The following TMEM258 variants were observed in gnomAD, a reference collection of about 807,000 sequenced individuals.
The protein encoded by TMEM258 is transmembrane protein 258.
TMEM258 carries 11 observed loss-of-function variants against 9.9 expected under a neutral mutation model. The observed-to-expected ratio is 1.11, with a 90% CI of 0.70 to 1.85. The LOEUF (loss-of-function observed/expected upper bound fraction) is 1.85, where lower values mean the gene tolerates loss of function less well. Among genes scored for constraint, TMEM258 ranks in the 40% most tolerant of loss-of-function variants. The pLI is 0.00. For synonymous variants in TMEM258, 40 were observed against 39.1 expected, an observed-to-expected ratio of 1.02 and a Z score of -0.09; for missense variants, 81 against 99.7, an observed-to-expected ratio of 0.81 and a Z score of 0.80.
Position 61,789,898 on chromosome 11 carries a change from T to A in TMEM258, c.137A>T (p.Tyr46Phe). Reference protein sequence around the residue: ...FFVYEVTSTKYTRDIYKELLI... With the variant: ...FFVYEVTSTKFTRDIYKELLI... ...GAGCTCTTTATAGATATCACGAGTG[T>A]ACTTGGTAGAGGTGACCTCGTAACT... is the stretch of plus-strand genomic sequence containing the variant. Residue 46 changes from tyrosine to phenylalanine, a missense_variant, in exon 3 of 4, where the codon TAC becomes TTC. By Grantham distance (22) the Tyr-to-Phe change is conservative. Coordinates refer to ENST00000537328, the MANE Select transcript of TMEM258 (RefSeq NM_014206.4). The A allele has an allele frequency of 1.2e-6, 2 of 1,613,334 alleles. No individual in the cohort carries two copies. The highest frequency in any genetic ancestry group is 1.7e-6 in the Non-Finnish European group (2 of 1,179,652).
rs1411093194 is a variant in TMEM258, at chr11:61,792,538, TCC to T, written c.3+16_3+17del. ...GGGTCCTCGCATCTCCGTCTGGAAC[TCC>T]CCTCAACGCTCTCACCATTTTGCCC... is the stretch of plus-strand genomic sequence containing the variant. On this transcript the variant is annotated intron_variant, in intron 1 of 3. Transcript: ENST00000537328. The T allele has an allele frequency of 6.2e-7, 1 of 1,613,714 alleles. No homozygotes were observed. Among genetic ancestry groups the T allele is most frequent in the Non-Finnish European group, 8.5e-7 (1 of 1,179,986 alleles).
rs980896327 is a variant in TMEM258 at position 61,789,192 on chromosome 11, G to A, written c.*54C>T. On this transcript the variant is annotated 3_prime_UTR_variant, in exon 4 of 4. Coordinates refer to ENST00000537328, the MANE Select transcript of TMEM258 (RefSeq NM_014206.4). ...ACACTTCCAGCAACAGTAAAAAAAA[G>A]TAATTTACAAAAGCAGGTTTCAGTG... The A allele has an allele frequency of 6.5e-6, 1 of 152,718 alleles. No individual in the cohort carries two copies. Among genetic ancestry groups the A allele is most frequent in the Admixed American group, 6.5e-5 (1 of 15,300 alleles). The allele number at this position is 152,718 out of a possible 1,614,324, so 9.5% of individuals were successfully genotyped here.
intron 1 of TMEM258, among the ~76,000 whole-genome samples, chr11:61,790,950 T>C (rs1432443870): frequency 1.3e-5 from 2 of 152,132 alleles, no homozygotes; most frequent in Non-Finnish European, 2.9e-5. Flanking sequence ...ATCTTTTTTT[T>C]TTGACGGAGT....
chr11:61,791,293 G>A (rs191475804), intron 1 of TMEM258, among the ~76,000 whole-genome samples: 207 of 149,950 alleles, frequency 1.4e-3, no homozygotes, highest in African/African-American at 4.6e-3. Flanking sequence ...TTGCTCTATC[G>A]CCCAGGCTGG....
chr11:61,790,692 C>T (rs2066777827), intron 1 of TMEM258, 90 bp from the exon 2 acceptor site: 10 of 1,139,748 alleles, frequency 8.8e-6, no homozygotes, highest in East Asian at 2.6e-5. Flanking sequence ...CTGGTGCTGC[C>T]GTGAAACAGA....
intron 1 of TMEM258, chr11:61,792,175 C>A (rs190567200): frequency 3.3e-6 from 1 of 306,752 alleles, no homozygotes; most frequent in Non-Finnish European, 6.4e-6. Context: ...AGGCTGTGGG[C>A]GCTCCTAGGA....
chr11:61,790,348 C>A (rs2066774444), intron 2 of TMEM258, 145 bp downstream of exon 2: 6 of 731,076 alleles, frequency 8.2e-6, no homozygotes, highest in East Asian at 2.7e-5. Flanking sequence ...TGCCCCTGGG[C>A]ATCACTAGCC....
At position 61,790,542 on chromosome 11, in the gene TMEM258, T is replaced by G; in HGVS notation, c.64A>C (p.Thr22Pro). The change falls in exon 2 of 4, where the codon ACC (threonine) becomes CCC (proline). Residue 22 changes from threonine to proline, a missense_variant. Coordinates refer to ENST00000537328, the MANE Select transcript of TMEM258 (RefSeq NM_014206.4). ...PVNPAVFPHL[T>P]VVLLAIGMFF... is the part of the protein sequence containing the mutation. ...ATGCCAATGGCCAAAAGCACCACGG[T>G]CAGATGGGGGAAGACAGCTGGGTTC... is the stretch of plus-strand genomic sequence containing the variant. 6.2e-7 allele frequency: 1 copy of G among 1,614,004 alleles called. No homozygotes were observed. Among genetic ancestry groups the G allele is most frequent in the East Asian group, 2.2e-5 (1 of 44,882 alleles).
chr11:61,792,171 T>C, intron 1 of TMEM258: 2 of 309,042 alleles, frequency 6.5e-6, no homozygotes, highest in Middle Eastern at 1.2e-3. Context: ...ACAGAGGCTG[T>C]GGGCGCTCCT....
intron 1 of TMEM258, chr11:61,791,739 A>G (rs2066786242): frequency 1.3e-5 from 2 of 152,248 alleles, no homozygotes; most frequent in African/African-American, 2.4e-5. Context: ...TCTAGTGCCT[A>G]GCAGGGAGTA....
At chr11:61,790,054 A>T (rs2066771262) in intron 2 of TMEM258, 133 bp from the exon 3 acceptor site, 1 of 1,142,360 alleles carries the variant, frequency 8.8e-7, no homozygotes, top group Non-Finnish European at 1.2e-6. Context: ...GCAGCCAGGC[A>T]GAGGGGCCTA....
intron 2 of TMEM258, 93 bp downstream of exon 2, chr11:61,790,400 C>G: frequency 8.7e-7 from 1 of 1,145,818 alleles, no homozygotes; most frequent in Non-Finnish European, 1.3e-6. Context: ...ATCCAATGTA[C>G]AAAACCGGCG....
At chr11:61,792,396 T>C (rs1285130113) in intron 1 of TMEM258, 160 bp downstream of exon 1, 1 of 1,032,858 alleles carries the variant, frequency 9.7e-7, no homozygotes. Context: ...AAGGAGTTCA[T>C]GGCAAGGGGC....
rs1315315510 is a variant in TMEM258, at chr11:61,789,840, G to C, written c.195C>G (p.Gly65=). The C allele has an allele frequency of 2.5e-6, 4 of 1,613,652 alleles. No individual in the cohort carries two copies. The highest frequency in any genetic ancestry group is 3.3e-4 in the Middle Eastern group (2 of 6,076). ...LISLVASLFM[G]FGVLFLLLWV... ...AGAGCAGCAGGAAGAGGACTCCAAA[G>C]CCCATGAAGAGTGAGGCCACTAAGG... The change falls in exon 3 of 4, where the codon GGC becomes GGG. Residue 65 remains glycine, a synonymous_variant. Transcript: ENST00000537328.
chr11:61,790,316 C>G, intron 2 of TMEM258, 177 bp downstream of exon 2: 1 of 645,206 alleles, frequency 1.5e-6, no homozygotes, highest in South Asian at 1.9e-5. Flanking sequence ...CTCACCTGAA[C>G]TTGGGAAATA....
chr11:61,789,967 G>C, intron 2 of TMEM258, 46 bp from the exon 3 acceptor site: 1 of 1,590,802 alleles, frequency 6.3e-7, no homozygotes, highest in South Asian at 1.1e-5. Flanking sequence ...ACTGTGGAGT[G>C]CAGAGAGCCC....
In TMEM258 at chr11:61,792,580, C is replaced by T. The variant is rs779023272; in HGVS notation, c.-22G>A. The T allele has an allele frequency of 1.5e-5, 25 of 1,613,614 alleles. No homozygotes were observed. The highest frequency in any genetic ancestry group is 2.0e-5 in the Non-Finnish European group (24 of 1,179,982). On this transcript the variant is annotated 5_prime_UTR_variant, in exon 1 of 4. Transcript: ENST00000537328. ...CCATTTTGCCCCGCGAAGGCTAATC[C>T]GCCGCTCCGCCACCGGAAGAACACG...
At chr11:61,790,302 T>C in intron 2 of TMEM258, 191 bp downstream of exon 2, 1 of 620,238 alleles carries the variant, frequency 1.6e-6, no homozygotes, top group South Asian at 2.0e-5. Context: ...AAGAACAAAC[T>C]GAGCTCACCT....
Position 61,790,586 on chromosome 11 carries a change from C to T in TMEM258, c.20G>A (p.Ser7Asn), listed in dbSNP as rs2066777002. The T allele has an allele frequency of 6.2e-7, 1 of 1,613,890 alleles. No individual in the cohort carries two copies. Among genetic ancestry groups the T allele is most frequent in the South Asian group, 1.1e-5 (1 of 90,978 alleles). Residue 7 changes from serine (S) to asparagine (N), a missense_variant, in exon 2 of 4, where the codon AGC becomes AAC. Coordinates refer to ENST00000537328, the MANE Select transcript of TMEM258 (RefSeq NM_014206.4). ...TGGGTTCACTGGGCTGGTATATCTGCTCATGGCCTCGAGCTCCTAGAGGAG... is the reference window on the plus strand; with the variant it reads ...TGGGTTCACTGGGCTGGTATATCTGTTCATGGCCTCGAGCTCCTAGAGGAG... MELEAM[S>N]RYTSPVNPAV...
Sources: allele counts gnomAD v4.1 joint callset (sites outside exome capture counted in the v4.1 genomes callset), GRCh38; gene constraint gnomAD v4.1.1; transcripts MANE v1.5; gene names NCBI Gene and HGNC (gene_info 2026-07-23, HGNC 2026-07-21).